CSPG4: variants seen among roughly 807,000 people sequenced by gnomAD.
CSPG4 encodes chondroitin sulfate proteoglycan 4 (melanoma-associated).
In CSPG4, 74 loss-of-function variants were observed where a neutral mutation model predicts 139.3. That is an observed-to-expected ratio of 0.53 (90% confidence interval 0.44 to 0.64). The LOEUF (loss-of-function observed/expected upper bound fraction) is 0.64. CSPG4 is among the 30% of genes least tolerant of loss of function. CSPG4 has a pLI of 0.00. For missense variants in CSPG4, 2,565 were observed against 3,148.3 expected (o/e 0.81, Z 4.43); for synonymous variants, 1,234 against 1,394.2 (o/e 0.89, Z 2.56).
At chr15:75,709,909 G>A (rs565843740) in intron 1 of CSPG4, among the ~76,000 whole-genome samples, 2 of 151,954 alleles carry the variant, frequency 1.3e-5, no homozygotes, top group Non-Finnish European at 2.9e-5. Context: ...TTTTTCTCGA[G>A]TCCGGGTGGG....
At position 75,690,495 on chromosome 15, in the gene CSPG4, C is replaced by T; in HGVS notation, c.570G>A (p.Glu190=). The change falls in exon 3 of 10, where the codon GAG becomes GAA. Residue 190 remains glutamate (E), a synonymous_variant. Coordinates refer to ENST00000308508, the MANE Select transcript of CSPG4 (RefSeq NM_001897.5). ...TGGCAGAAAACTCTTCAGCACAGCC[C>T]TCATGCACATCGGGGGTCAGAGGCC... ...LLRPLTPDVH[E]GCAEEFSASD... is the part of the protein sequence containing the mutation. 1 of 1,609,626 alleles carries T rather than the reference C, an allele frequency of 6.2e-7. No individual in the cohort carries two copies. The highest frequency in any genetic ancestry group is 8.5e-7 in the Non-Finnish European group (1 of 1,179,000).
chr15:75,690,525 G>A lies in CSPG4; in HGVS notation c.540C>T (p.Leu180=), dbSNP rs747851737. 2 of 1,609,708 alleles carry A rather than the reference G, an allele frequency of 1.2e-6. No individual in the cohort carries two copies. The highest frequency in any genetic ancestry group is 2.2e-5 in the South Asian group (2 of 90,886). ...GCACATCGGGGGTCAGAGGCCGGAG[G>A]AGGCTGCGGCCATTGAGGGTGGCTG... The part of the protein sequence containing the change: ...LHAATLNGRS[L]LRPLTPDVHE... The change falls in exon 3 of 10, where the codon CTC becomes CTT. Residue 180 remains leucine, a synonymous_variant. Coordinates refer to ENST00000308508, the MANE Select transcript of CSPG4 (RefSeq NM_001897.5).
rs12324777 is a variant in CSPG4 at position 75,707,021 on chromosome 15, G to A, written c.88+5647C>T. Reference sequence around the variant, plus strand: ...CACCCAGGCTGGAGTGCAGTGACGCGATCTTAGCTCACTGCAACATCTGCC... The same window carrying A: ...CACCCAGGCTGGAGTGCAGTGACGCAATCTTAGCTCACTGCAACATCTGCC... On this transcript the variant is annotated intron_variant, in intron 1 of 9. Transcript: ENST00000308508. 2.2e-3 allele frequency among the ~76,000 whole-genome samples: 335 copies of A among 149,664 alleles called. 2 individuals are homozygous for A. The highest frequency in any genetic ancestry group is 7.9e-3 in the African/African-American group (318 of 40,450).
chr15:75,675,614 G>A lies in CSPG4; in HGVS notation c.6905C>T (p.Pro2302Leu). The change falls in exon 10 of 10, where the codon CCA becomes CTA. Residue 2302 changes from proline to leucine, a missense_variant. This residue lies in a region of CSPG4 where 2,316 missense variants were observed against 2,818.2 expected (regional missense o/e 0.82). Transcript: ENST00000308508. ...TGTCCGGCAGAACTGCAGCAGCTCT[G>A]GGTCAGGCTGGCCTCCTGGAGGGGG... The part of the protein sequence containing the change: ...QGPPPGGQPD[P>L]ELLQFCRTPN... The A allele has an allele frequency of 6.6e-7, 1 of 1,517,672 alleles. No homozygotes were observed. The highest frequency in any genetic ancestry group is 8.8e-7 in the Non-Finnish European group (1 of 1,133,554). 94.0% of individuals were successfully genotyped at this position (1,517,672 alleles called of 1,614,324 possible).
At chr15:75,700,201 C>T (rs1031038487) in intron 1 of CSPG4, among the ~76,000 whole-genome samples, 14 of 152,132 alleles carry the variant, frequency 9.2e-5, no homozygotes, top group Non-Finnish European at 1.6e-4. Flanking sequence ...GCACATGCAC[C>T]GTGTGTGCAC....
chr15:75,685,161 C>G (rs201130381), intron 4 of CSPG4, 58 bp downstream of exon 4: 21 of 1,507,482 alleles, frequency 1.4e-5, no homozygotes, highest in Non-Finnish European at 1.8e-5. Flanking sequence ...CCCCAGGGCT[C>G]CCTCCACTCT....
Position 75,676,569 on chromosome 15 carries a change from C to T in CSPG4, c.5950G>A (p.Gly1984Arg), listed in dbSNP as rs774837676. 5 of 1,613,566 alleles carry T rather than the reference C, an allele frequency of 3.1e-6. No individual in the cohort carries two copies. The South Asian group carries it at 4.4e-5, about 14-fold the overall frequency. Residue 1984 changes from glycine (G) to arginine (R), a missense_variant, in exon 10 of 10, where the codon GGA (glycine) becomes AGA (arginine). Around this residue, in one of 5 missense-constraint regions of CSPG4, gnomAD observed 2,316 missense variants for 2,818.2 expected, o/e 0.82. Coordinates refer to ENST00000308508, the MANE Select transcript of CSPG4 (RefSeq NM_001897.5). ...EPEAAYRLIQ[G>R]PQYGHLLVGG... ...ACCAGGAGATGCCCATACTGGGGTC[C>T]CTGGATGAGGCGGTATGCTGCCTCT... is the stretch of plus-strand genomic sequence containing the variant.
intron 8 of CSPG4, chr15:75,678,930 G>A (rs1324878425): frequency 2.6e-6 from 1 of 382,260 alleles, no homozygotes; most frequent in Non-Finnish European, 5.2e-6. Flanking sequence ...GAGAGCCACA[G>A]GCTCTGGGAT....
Position 75,675,953 on chromosome 15 carries a change from G to T in CSPG4, c.6566C>A (p.Pro2189Gln). 6.3e-7 allele frequency: 1 copy of T among 1,587,908 alleles called. No homozygotes were observed. Reference protein sequence around the residue: ...PEAARTEAGKPESSTPTGEPG... With the variant: ...PEAARTEAGKQESSTPTGEPG... Reference sequence around the variant, plus strand: ...CTCGCCTGTGGGGGTGCTGCTCTCTGGCTTCCCTGCTTCCGTCCGGGCGGC... The same window carrying T: ...CTCGCCTGTGGGGGTGCTGCTCTCTTGCTTCCCTGCTTCCGTCCGGGCGGC... Residue 2189 changes from proline to glutamine, a missense_variant, in exon 10 of 10, where the codon CCA becomes CAA. Pro to Gln is a moderately conservative substitution (Grantham distance 76). Transcript: ENST00000308508.
At chr15:75,712,983 T>A, upstream of CSPG4, 1 of 515,236 alleles carries the variant, frequency 1.9e-6, no homozygotes, top group South Asian at 2.6e-5. Flanking sequence ...CGTGCGGGGC[T>A]GTTCCTCTCT....
At chr15:75,695,667 G>C (rs1205500156) in intron 1 of CSPG4, among the ~76,000 whole-genome samples, 1 of 152,300 alleles carries the variant, frequency 6.6e-6, no homozygotes, top group African/African-American at 2.4e-5. Context: ...GAGGTGGTGG[G>C]GGGGCAGTTG....
At chr15:75,693,849 C>A (rs1414650435) in intron 1 of CSPG4, among the ~76,000 whole-genome samples, 2 of 152,248 alleles carry the variant, frequency 1.3e-5, no homozygotes, top group African/African-American at 2.4e-5. Flanking sequence ...TCTCTCAGGC[C>A]ATTCTTCCAG....
intron 8 of CSPG4, among the ~76,000 whole-genome samples, chr15:75,681,443 G>A (rs1893972048): frequency 6.6e-6 from 1 of 152,182 alleles, no homozygotes; most frequent in Admixed American, 6.5e-5. Context: ...AGTACCATAT[G>A]CTGTGGCTCC....
At chr15:75,706,436 TGTGTGA>T (rs1566978326) in intron 1 of CSPG4, among the ~76,000 whole-genome samples, 2 of 151,866 alleles carry the variant, frequency 1.3e-5, no homozygotes, top group African/African-American at 4.8e-5. Flanking sequence ...TGTATGTGTG[TGTGTGA>T]GTGTGTGTGT....
chr15:75,683,232 G>A, intron 5 of CSPG4, among the ~76,000 whole-genome samples, 191 bp from the exon 6 acceptor site: 1 of 152,094 alleles, frequency 6.6e-6, no homozygotes, highest in East Asian at 1.9e-4. Context: ...CCCAGGGAAG[G>A]CCCCAGGGAA....
intron 8 of CSPG4, among the ~76,000 whole-genome samples, 186 bp downstream of exon 8, chr15:75,682,107 T>C (rs1203121121): frequency 1.3e-5 from 2 of 152,230 alleles, no homozygotes; most frequent in African/African-American, 4.8e-5. Context: ...TCTGGGAACA[T>C]GAACTTGCCC....
rs559710810 is a variant in CSPG4 at position 75,675,665 on chromosome 15, G to A, written c.6854C>T (p.Pro2285Leu). ...CCCCTGGCCAGGCACAGCTGTGAGC[G>A]GGATGGCCTGGCCTGGCTCCACCTT... ...FRKVEPGQAI[P>L]LTAVPGQGPP... Residue 2285 changes from proline (P) to leucine (L), a missense_variant, in exon 10 of 10, where the codon CCG becomes CTG. By Grantham distance (98) the Pro-to-Leu change is moderately conservative (BLOSUM62 -3). Around this residue, in one of 5 missense-constraint regions of CSPG4, gnomAD observed 2,316 missense variants for 2,818.2 expected, o/e 0.82. Coordinates refer to ENST00000308508, the MANE Select transcript of CSPG4 (RefSeq NM_001897.5). 1.2e-5 allele frequency: 19 copies of A among 1,539,590 alleles called. No individual in the cohort carries two copies. The highest frequency in any genetic ancestry group is 1.1e-4 in the East Asian group (5 of 44,090).
At chr15:75,686,445 C>A (rs1441412392) in intron 3 of CSPG4, among the ~76,000 whole-genome samples, 4 of 152,096 alleles carry the variant, frequency 2.6e-5, no homozygotes, top group Non-Finnish European at 4.4e-5. Context: ...AGAGCTCACG[C>A]CCCAAAGGCC....
chr15:75,678,677 C>T (rs769809633), intron 8 of CSPG4: 30 of 456,108 alleles, frequency 6.6e-5, no homozygotes, highest in South Asian at 4.5e-4. Context: ...CTTGACTTCA[C>T]ATTTTCCACC....
Sources: gnomAD v4.1 joint callset for allele counts (sites outside exome capture counted in the v4.1 genomes callset) on GRCh38, gnomAD v4.1.1 for gene constraint, gnomAD v4.1.1 regional missense constraint, MANE v1.5 for transcripts, NCBI Gene and HGNC (gene_info 2026-07-23, HGNC 2026-07-21) for gene names.